INSIG2: variants seen among roughly 807,000 people sequenced by gnomAD.
INSIG2 encodes the protein insulin induced gene 2.
A neutral mutation model predicts 27.2 loss-of-function variants in INSIG2; 10 were observed. The observed-to-expected ratio is 0.37, with a 90% CI of 0.23 to 0.62. The LOEUF is 0.62. Among genes scored for constraint, INSIG2 ranks in the 20% least tolerant of loss-of-function variants. The probability of loss-of-function intolerance (pLI) is 0.65; values close to 1 mark genes in which losing one functional copy is unlikely to be tolerated. For synonymous variants in INSIG2, 97 were observed against 95.8 expected, an observed-to-expected ratio of 1.01 and a Z score of -0.07; for missense variants, 178 against 270.2, an observed-to-expected ratio of 0.66 and a Z score of 2.39.
In INSIG2 at chr2:118,103,283, T is replaced by C. The variant is rs752553205; in HGVS notation, c.331T>C (p.Cys111Arg). 1 of 1,613,558 alleles carries C rather than the reference T, an allele frequency of 6.2e-7. No individual in the cohort carries two copies. Among genetic ancestry groups the C allele is most frequent in the Non-Finnish European group, 8.5e-7 (1 of 1,179,628 alleles). ...FKREWSSVMR[C>R]VAVFVGINHA... ...AAGAGAGTGGTCCAGTGTAATGCGGTGTGTAGCAGTCTTTGTTGGTATAAA... is the reference window on the plus strand; with the variant it reads ...AAGAGAGTGGTCCAGTGTAATGCGGCGTGTAGCAGTCTTTGTTGGTATAAA... The change falls in exon 3 of 6, where the codon TGT becomes CGT. Residue 111 changes from cysteine to arginine, a missense_variant. Transcript: ENST00000245787.
At chr2:118,107,261 A>T in intron 5 of INSIG2, 72 bp downstream of exon 5, 2 of 958,768 alleles carry the variant, frequency 2.1e-6, no homozygotes, top group Non-Finnish European at 3.3e-6. Context: ...GCAGTCCTTT[A>T]AGGGAAAGCA....
In INSIG2 at chr2:118,099,616, A is replaced by G. The variant is rs994006365; in HGVS notation, c.244+2816A>G. Among the ~76,000 whole-genome samples the G allele has an allele frequency of 3.9e-5, 6 of 152,248 alleles. No homozygotes were observed. The East Asian group carries it at 9.6e-4, about 24-fold the overall frequency. On this transcript the variant is annotated intron_variant, in intron 2 of 5. Transcript: ENST00000245787. ...AAATAGAAAAAGACAACTCGTGTGG[A>G]TAAAATAAGTAGAGAAGTTGCCTCA...
chr2:118,107,612 C>T (rs1678706207), intron 5 of INSIG2, among the ~76,000 whole-genome samples: 1 of 152,160 alleles, frequency 6.6e-6, no homozygotes, highest in Admixed American at 6.5e-5. Flanking sequence ...AAGGAAAAGG[C>T]TAGGGAGTGA....
At chr2:118,095,405 G>T (rs1484411816) in intron 1 of INSIG2, among the ~76,000 whole-genome samples, 1 of 152,234 alleles carries the variant, frequency 6.6e-6, no homozygotes, top group African/African-American at 2.4e-5. Flanking sequence ...TACTGGAGAT[G>T]TGAACTAGGT....
At chr2:118,099,246 A>G (rs972563840) in intron 2 of INSIG2, among the ~76,000 whole-genome samples, 4 of 152,228 alleles carry the variant, frequency 2.6e-5, no homozygotes, top group African/African-American at 4.8e-5. Flanking sequence ...AAAACTGATA[A>G]TCATCCTTTG....
At chr2:118,096,278 C>T (rs1678401874) in intron 1 of INSIG2, 141 bp from the exon 2 acceptor site, 1 of 276,736 alleles carries the variant, frequency 3.6e-6, no homozygotes, top group Non-Finnish European at 6.7e-6. Context: ...CAATAAATAA[C>T]TGTTAGTAAT....
rs1441943563 is a variant in INSIG2, at chr2:118,094,483, A to T, written c.-138-1936A>T. 2.0e-5 allele frequency among the ~76,000 whole-genome samples: 3 copies of T among 152,204 alleles called. No homozygotes were observed. The East Asian group carries it at 5.8e-4, about 29-fold the overall frequency. On this transcript the variant is annotated intron_variant, in intron 1 of 5. Coordinates refer to ENST00000245787, the MANE Select transcript of INSIG2 (RefSeq NM_016133.4). ...TCCACAGCAAGGAATGGTCTGCAGG[A>T]TCAGGTCAGGAGGAGATGTTTCAGG... is the stretch of plus-strand genomic sequence containing the variant.
intron 2 of INSIG2, 103 bp from the exon 3 acceptor site, chr2:118,103,093 TA>T: frequency 1.0e-6 from 1 of 1,003,320 alleles, no homozygotes; most frequent in Admixed American, 2.6e-5. Flanking sequence ...TTTTTTTTTT[TA>T]AGAATCTTTA....
At chr2:118,107,368 G>A (rs565310165) in intron 5 of INSIG2, among the ~76,000 whole-genome samples, 179 bp downstream of exon 5, 1 of 152,322 alleles carries the variant, frequency 6.6e-6, no homozygotes, top group South Asian at 2.1e-4. Flanking sequence ...AAGTTGAGGA[G>A]CCACTGGAGA....
chr2:118,090,167 A>T (rs932284466), intron 1 of INSIG2, among the ~76,000 whole-genome samples: 2 of 152,228 alleles, frequency 1.3e-5, no homozygotes, highest in African/African-American at 2.4e-5. Flanking sequence ...GATGAAAAAT[A>T]TGTGAGGTAG....
At chr2:118,094,826 G>A (rs1413239968) in intron 1 of INSIG2, among the ~76,000 whole-genome samples, 1 of 152,094 alleles carries the variant, frequency 6.6e-6, no homozygotes, top group Non-Finnish European at 1.5e-5. Context: ...TTTACATGAG[G>A]GCTTTGTTCC....
At chr2:118,103,964 C>T (rs781213102) in intron 3 of INSIG2, among the ~76,000 whole-genome samples, 7 of 152,188 alleles carry the variant, frequency 4.6e-5, no homozygotes, top group Non-Finnish European at 1.0e-4. Flanking sequence ...CCCTTTCTAC[C>T]TTCTCTGCCC....
chr2:118,095,289 C>T lies in INSIG2; in HGVS notation c.-138-1130C>T, dbSNP rs145372707. Among the ~76,000 whole-genome samples the T allele has an allele frequency of 4.7e-3, 712 of 152,228 alleles. 8 individuals are homozygous for T. The highest frequency in any genetic ancestry group is 0.016 in the African/African-American group (674 of 41,516). On this transcript the variant is annotated intron_variant, in intron 1 of 5. Transcript: ENST00000245787. ...TTCCCATTTAAAAACTGTTAGTATT[C>T]ATAGAAAACATATCAAATATGTGAC...
intron 2 of INSIG2, among the ~76,000 whole-genome samples, chr2:118,098,064 A>C (rs1477174909): frequency 6.6e-6 from 1 of 152,252 alleles, no homozygotes; most frequent in Non-Finnish European, 1.5e-5. Context: ...AGAAAAGGCA[A>C]AAAATAGTCC....
At chr2:118,097,663 A>G (rs892321283) in intron 2 of INSIG2, among the ~76,000 whole-genome samples, 1 of 152,234 alleles carries the variant, frequency 6.6e-6, no homozygotes, top group African/African-American at 2.4e-5. Context: ...CAATAGATTA[A>G]TACTGTTTTT....
chr2:118,100,373 C>CTTTTTT (rs70949913), intron 2 of INSIG2, among the ~76,000 whole-genome samples: 49 of 81,514 alleles, frequency 6.0e-4, no homozygotes, highest in East Asian at 8.6e-4. Context: ...ACTCTTTTGC[C>CTTTTTT]TTTTTTTTTT....
At chr2:118,092,946 T>TGAGGAG (rs1200287010) in intron 1 of INSIG2, among the ~76,000 whole-genome samples, 1 of 140,458 alleles carries the variant, frequency 7.1e-6, no homozygotes, top group South Asian at 2.2e-4. Flanking sequence ...ATGATGATGA[T>TGAGGAG]GAGGAGGAGG....
At chr2:118,096,870 A>G (rs1340598436) in intron 2 of INSIG2, 70 bp downstream of exon 2, 7 of 1,486,024 alleles carry the variant, frequency 4.7e-6, no homozygotes, top group Non-Finnish European at 6.3e-6. Flanking sequence ...TTGTCTGAGC[A>G]ATAAACCTTT....
chr2:118,101,405 C>T (rs1678540926), intron 2 of INSIG2, among the ~76,000 whole-genome samples: 1 of 152,220 alleles, frequency 6.6e-6, no homozygotes, highest in Admixed American at 6.5e-5. Flanking sequence ...TCTGACATCA[C>T]ATGCATAAAA....
Sources: gnomAD v4.1 joint callset for allele counts (sites outside exome capture counted in the v4.1 genomes callset) on GRCh38, gnomAD v4.1.1 for gene constraint, MANE v1.5 for transcripts, NCBI Gene and HGNC (gene_info 2026-07-23, HGNC 2026-07-21) for gene names.